Variants in CPAMD8 observed in about 807,000 individuals in gnomAD.
The protein encoded by CPAMD8 is C3 and PZP like alpha-2-macroglobulin domain containing 8, also known as C3 and PZP-like alpha-2-macroglobulin domain-containing protein 8.
Under a neutral mutation model 224.7 loss-of-function variants are expected in CPAMD8, and 146 were observed. That is an observed-to-expected ratio of 0.65 (90% CI 0.57 to 0.75). The LOEUF (loss-of-function observed/expected upper bound fraction) is 0.75, where lower values mean the gene tolerates loss of function less well. Among genes scored for constraint, CPAMD8 ranks in the 30% least tolerant of loss-of-function variants. The pLI is 0.00. For missense variants in CPAMD8, 2,301 were observed against 2,537.5 expected (o/e 0.91, Z 2.00); for synonymous variants, 966 against 1,044.6 (o/e 0.92, Z 1.45).
At chr19:17,014,040 T>TG (rs201172701) in intron 3 of CPAMD8, among the ~76,000 whole-genome samples, 1 of 81,900 alleles carries the variant, frequency 1.2e-5, no homozygotes, top group African/African-American at 3.3e-5. Context: ...TCTTTCTTTC[T>TG]TTCTCTTTCT....
intron 14 of CPAMD8, among the ~76,000 whole-genome samples, chr19:16,979,884 T>C (rs1435861897): frequency 6.6e-6 from 1 of 152,140 alleles, no homozygotes; most frequent in African/African-American, 2.4e-5. Context: ...CACCTGGAAG[T>C]GACTCTGCCC....
At chr19:16,922,730 G>C (rs1382541709) in intron 26 of CPAMD8, among the ~76,000 whole-genome samples, 1 of 148,782 alleles carries the variant, frequency 6.7e-6, no homozygotes, top group East Asian at 2.0e-4. Flanking sequence ...ACACATCTGG[G>C]GTTCCTGAAA....
chr19:16,923,465 C>G (rs573446764), intron 26 of CPAMD8, among the ~76,000 whole-genome samples: 30 of 152,302 alleles, frequency 2.0e-4, no homozygotes, highest in African/African-American at 7.2e-4. Flanking sequence ...AAGGACAGGG[C>G]TGTGTCCACA....
At chr19:17,001,755 G>A (rs1479621767) in intron 9 of CPAMD8, among the ~76,000 whole-genome samples, 6 of 151,746 alleles carry the variant, frequency 4.0e-5, no homozygotes, top group Non-Finnish European at 7.4e-5. Flanking sequence ...CTGCCTGTAG[G>A]AGGAGGGGGA....
rs567523817 is a variant in CPAMD8, at chr19:16,964,016, A to G, written c.2214-6101T>C. Reference sequence around the variant, plus strand: ...TGAGAACAAAGACACAACACACCAGAATCTCTGGGACACATTTAAAGCAGT... The same window carrying G: ...TGAGAACAAAGACACAACACACCAGGATCTCTGGGACACATTTAAAGCAGT... On this transcript the variant is annotated intron_variant, in intron 18 of 41. Coordinates refer to ENST00000443236, the MANE Select transcript of CPAMD8 (RefSeq NM_015692.5). 2.0e-5 allele frequency among the ~76,000 whole-genome samples: 3 copies of G among 152,340 alleles called. No individual in the cohort carries two copies. In the East Asian group the frequency reaches 5.8e-4, roughly 29 times the overall value.
At chr19:16,895,699 G>A (rs1010013807) in intron 41 of CPAMD8, 2 of 347,270 alleles carry the variant, frequency 5.8e-6, no homozygotes, top group Non-Finnish European at 1.2e-5. Context: ...CAAAATCCAA[G>A]TCTTTTTGAG....
intron 18 of CPAMD8, among the ~76,000 whole-genome samples, chr19:16,965,042 C>T (rs950725742): frequency 4.2e-4 from 64 of 152,086 alleles, no homozygotes; most frequent in African/African-American, 1.5e-3. Context: ...AGGCAGATCA[C>T]AAGGTGAGGA....
intron 18 of CPAMD8, among the ~76,000 whole-genome samples, chr19:16,969,413 C>T (rs2054970248): frequency 6.6e-6 from 1 of 152,086 alleles, no homozygotes; most frequent in Non-Finnish European, 1.5e-5. Flanking sequence ...CAGAGGACAC[C>T]CCTCACAGTG....
At chr19:16,955,090 T>A (rs2054425121) in intron 19 of CPAMD8, among the ~76,000 whole-genome samples, 1 of 152,160 alleles carries the variant, frequency 6.6e-6, no homozygotes, top group Admixed American at 6.5e-5. Flanking sequence ...ATCGCACCAC[T>A]GCACTCCAGC....
At chr19:16,955,151 T>A (rs2054426920) in intron 19 of CPAMD8, among the ~76,000 whole-genome samples, 1 of 151,138 alleles carries the variant, frequency 6.6e-6, no homozygotes, top group African/African-American at 2.4e-5. Flanking sequence ...CAAAAATAGC[T>A]GGGCATGGTG....
At chr19:16,917,733 CTT>C (rs1457796197) in intron 27 of CPAMD8, among the ~76,000 whole-genome samples, 2 of 152,206 alleles carry the variant, frequency 1.3e-5, no homozygotes, top group Admixed American at 1.3e-4. Context: ...AGAGCGAGAT[CTT>C]GTCTCAAAAA....
chr19:17,001,876 G>A (rs1423979933), intron 9 of CPAMD8, among the ~76,000 whole-genome samples: 1 of 151,654 alleles, frequency 6.6e-6, no homozygotes, highest in Non-Finnish European at 1.5e-5. Flanking sequence ...CCAGGGGAGG[G>A]GCACGGGAAA....
intron 18 of CPAMD8, among the ~76,000 whole-genome samples, chr19:16,964,087 G>A (rs536652864): frequency 1.0e-3 from 153 of 152,234 alleles, no homozygotes; most frequent in African/African-American, 3.4e-3. Flanking sequence ...AGAGAAAGCA[G>A]GAAAGATCTA....
intron 1 of CPAMD8, among the ~76,000 whole-genome samples, chr19:17,022,526 T>A (rs1262552627): frequency 6.7e-6 from 1 of 148,368 alleles, no homozygotes; most frequent in East Asian, 2.0e-4. Context: ...GGAGACAGAG[T>A]GTTGCTCTGT....
chr19:16,930,557 G>A (rs139234667), intron 23 of CPAMD8, among the ~76,000 whole-genome samples: 223 of 152,254 alleles, frequency 1.5e-3, no homozygotes, highest in African/African-American at 4.8e-3. Context: ...CATGGTGCTT[G>A]GCGGGAATCA....
At chr19:16,988,157 G>GAAACT (rs1390481296) in intron 13 of CPAMD8, among the ~76,000 whole-genome samples, 1 of 152,152 alleles carries the variant, frequency 6.6e-6, no homozygotes, top group Non-Finnish European at 1.5e-5. Context: ...TCTGTGTGGA[G>GAAACT]AAACTCCCAG....
rs1335617068 is a variant in CPAMD8, at chr19:16,914,410, C to T, written c.3861+14G>A. The stretch of plus-strand genomic sequence containing the variant: ...GCCCAGCCCCGAGTCTCCCCAAACC[C>T]CTTCTGTACTCACCTCTGAGGCTGT... On this transcript the variant is annotated intron_variant, in intron 29 of 41. Transcript: ENST00000443236. 6 of 1,613,248 alleles carry T rather than the reference C, an allele frequency of 3.7e-6. No homozygotes were observed. Among genetic ancestry groups the T allele is most frequent in the Non-Finnish European group, 5.1e-6 (6 of 1,179,172 alleles).
At chr19:16,983,399 AAAAT>A (rs55638415) in intron 13 of CPAMD8, among the ~76,000 whole-genome samples, 67,873 of 150,208 alleles carry the variant, frequency 0.45, 16,982 homozygotes, top group African/African-American at 0.69. Flanking sequence ...ACTCCATCTC[AAAAT>A]AAATAAATAA....
At chr19:16,932,718 C>T (rs1372696735) in intron 23 of CPAMD8, among the ~76,000 whole-genome samples, 2 of 152,040 alleles carry the variant, frequency 1.3e-5, no homozygotes, top group Admixed American at 1.3e-4. Context: ...TAACCAAATA[C>T]TCAAAATTTT....
Sources: allele counts gnomAD v4.1 joint callset (sites outside exome capture counted in the v4.1 genomes callset), GRCh38; gene constraint gnomAD v4.1.1; transcripts MANE v1.5; gene names NCBI Gene and HGNC (gene_info 2026-07-23, HGNC 2026-07-21).